Variants in RC3H1 observed in about 807,000 individuals in gnomAD.
RC3H1 encodes roquin-1.
A neutral mutation model predicts 138.2 loss-of-function variants in RC3H1; 50 were observed. That is an observed-to-expected ratio of 0.36 (90% CI 0.29 to 0.46). The LOEUF (loss-of-function observed/expected upper bound fraction) is 0.46. Ranked by LOEUF, RC3H1 falls within the 20% of genes least tolerant of loss-of-function variation. RC3H1 has a pLI of 1.00. For synonymous variants in RC3H1, 462 were observed against 489.1 expected, an observed-to-expected ratio of 0.94 and a Z score of 0.73; for missense variants, 1,031 against 1,388.1, an observed-to-expected ratio of 0.74 and a Z score of 4.09.
In RC3H1 at chr1:173,958,779, T is replaced by C. The variant is rs557327873; in HGVS notation, c.2370+2298A>G. On this transcript the variant is annotated intron_variant, in intron 13 of 19. Coordinates refer to ENST00000367696, the MANE Select transcript of RC3H1 (RefSeq NM_172071.4). ...TTATGGTTATTGCCCTGTGATACATTAACCAGTTTTTTTTTTGAGCAATCT... is the reference window on the plus strand; with the variant it reads ...TTATGGTTATTGCCCTGTGATACATCAACCAGTTTTTTTTTTGAGCAATCT... Among the ~76,000 whole-genome samples the C allele has an allele frequency of 9.9e-5, 15 of 152,094 alleles. No homozygotes were observed. The South Asian group carries it at 3.1e-3, about 31-fold the overall frequency.
intron 19 of RC3H1, among the ~76,000 whole-genome samples, chr1:173,940,646 C>CTT (rs11447877): frequency 7.8e-4 from 116 of 149,350 alleles, no homozygotes; most frequent in African/African-American, 2.7e-3. Context: ...TTTGTTTTTT[C>CTT]TTTTTTTTTA....
Position 173,942,428 on chromosome 1 carries a change from C to CAAAAAAA in RC3H1, c.3135+1007_3135+1013dup, listed in dbSNP as rs60694243. 8.1e-4 allele frequency among the ~76,000 whole-genome samples: 31 copies of CAAAAAAA among 38,066 alleles called. 2 individuals carry two copies. Among genetic ancestry groups the CAAAAAAA allele is most frequent in the Middle Eastern group, 0.014 (1 of 70 alleles). The allele number at this position is 38,066 out of a possible 152,430, so 25.0% of individuals were successfully genotyped here. A position where few individuals can be genotyped will look rare whatever the true frequency, so the allele number is the denominator to read the frequency against. The stretch of plus-strand genomic sequence containing the variant: ...ACCCTGGGTGACAGAGACTCAGTCT[C>CAAAAAAA]AAAAAAAAAAAAAAAAAAAAAAGAA... On this transcript the variant is annotated intron_variant, in intron 18 of 19. Coordinates refer to ENST00000367696, the MANE Select transcript of RC3H1 (RefSeq NM_172071.4).
intron 13 of RC3H1, among the ~76,000 whole-genome samples, chr1:173,956,944 T>G (rs1381212950): frequency 3.9e-5 from 6 of 152,054 alleles, no homozygotes; most frequent in Admixed American, 2.6e-4. Flanking sequence ...GAACGAGTCT[T>G]GTTCTGTCAT....
intron 6 of RC3H1, 109 bp downstream of exon 6, chr1:173,980,699 TA>T (rs2103004277): frequency 1.5e-6 from 1 of 683,202 alleles, no homozygotes; most frequent in South Asian, 2.6e-5. Flanking sequence ...ACACTGGCTA[TA>T]AATACAATTT....
chr1:173,955,359 C>G (rs1659593985), intron 13 of RC3H1, among the ~76,000 whole-genome samples: 1 of 147,158 alleles, frequency 6.8e-6, no homozygotes, highest in Non-Finnish European at 1.5e-5. Flanking sequence ...GCTCTGTCAC[C>G]TAGGTTGGAG....
intron 1 of RC3H1, among the ~76,000 whole-genome samples, chr1:173,994,391 C>CAAAA (rs1557949403): frequency 6.6e-6 from 1 of 152,104 alleles, no homozygotes; most frequent in African/African-American, 2.4e-5. Context: ...GACTCCATCT[C>CAAAA]AAAACAAACA....
intron 19 of RC3H1, among the ~76,000 whole-genome samples, 173 bp from the exon 20 acceptor site, chr1:173,939,044 G>T (rs1274095874): frequency 6.6e-6 from 1 of 152,000 alleles, no homozygotes; most frequent in East Asian, 1.9e-4. Flanking sequence ...AGCTAGCCAG[G>T]TGCGTATTTT....
At chr1:173,975,759 G>C (rs1397970952) in intron 7 of RC3H1, among the ~76,000 whole-genome samples, 1 of 96,200 alleles carries the variant, frequency 1.0e-5, no homozygotes, top group Non-Finnish European at 1.8e-5. Flanking sequence ...TTAGCCGGGC[G>C]TAGTGGCGGG....
In RC3H1 at chr1:173,963,980, A is replaced by G. The variant is rs1659987971; in HGVS notation, c.1824T>C (p.Tyr608=). The part of the protein sequence containing the change: ...GAAPPFEPAP[Y]QQGMYYTPPP... Reference sequence around the variant, plus strand: ...TAAATTTAAAATCGTTACCCTGCTGATAAGGTGCTGGTTCAAATGGCGGAG... The same window carrying G: ...TAAATTTAAAATCGTTACCCTGCTGGTAAGGTGCTGGTTCAAATGGCGGAG... Residue 608 remains tyrosine, a synonymous_variant, in exon 11 of 20, where the codon TAT becomes TAC. Coordinates refer to ENST00000367696, the MANE Select transcript of RC3H1 (RefSeq NM_172071.4). The G allele has an allele frequency of 4.3e-6, 7 of 1,613,838 alleles. No individual in the cohort carries two copies. The East Asian group carries it at 8.9e-5, about 21-fold the overall frequency.
intron 13 of RC3H1, among the ~76,000 whole-genome samples, chr1:173,955,204 C>T (rs1281337905): frequency 2.5e-5 from 3 of 119,450 alleles, no homozygotes; most frequent in South Asian, 2.9e-4. Context: ...CCAGCCCAGA[C>T]GACAGTGTGA....
At chr1:173,943,415 CCT>C in intron 18 of RC3H1, 25 bp downstream of exon 18, 1 of 1,579,936 alleles carries the variant, frequency 6.3e-7, no homozygotes, top group South Asian at 1.1e-5. Flanking sequence ...TTTCACCTTC[CCT>C]CTCTTTCCCC....
rs138337591 is a variant in RC3H1, at chr1:173,936,747, ATATATATATATATATTT to A, written c.*1957_*1973del. The A allele has an allele frequency of 3.0e-3, 176 of 57,828 alleles. 1 individual carries two copies. The highest frequency in any genetic ancestry group is 0.012 in the African/African-American group (170 of 13,754). 3.6% of individuals were successfully genotyped at this position (57,828 alleles called of 1,614,324 possible). ...AAAGCATACATATATATATATATAT[ATATATATATATATATTT>A]TTTTTTTTTTTTTTAAAAAAAGAAG... is the stretch of plus-strand genomic sequence containing the variant. On this transcript the variant is annotated 3_prime_UTR_variant, in exon 20 of 20. Coordinates refer to ENST00000367696, the MANE Select transcript of RC3H1 (RefSeq NM_172071.4).
chr1:173,977,467 A>G (rs1660636294), intron 7 of RC3H1, among the ~76,000 whole-genome samples: 1 of 152,258 alleles, frequency 6.6e-6, no homozygotes, highest in Non-Finnish European at 1.5e-5. Context: ...TACATACCTC[A>G]GAGAATGAGG....
At chr1:173,977,539 T>A (rs994218638) in intron 7 of RC3H1, among the ~76,000 whole-genome samples, 3 of 152,130 alleles carry the variant, frequency 2.0e-5, no homozygotes, top group African/African-American at 7.2e-5. Flanking sequence ...TGAGCTTGCT[T>A]TGAAGCACTC....
chr1:173,965,762 T>C (rs1248452556), intron 9 of RC3H1, among the ~76,000 whole-genome samples: 1 of 152,182 alleles, frequency 6.6e-6, no homozygotes, highest in South Asian at 2.1e-4. Flanking sequence ...TGCCTTGGGA[T>C]ACAATGAGCC....
chr1:173,955,225 CAAAA>C (rs560354496), intron 13 of RC3H1, among the ~76,000 whole-genome samples: 3 of 60,786 alleles, frequency 4.9e-5, no homozygotes, highest in Admixed American at 1.9e-4. Context: ...AACTCTGTCA[CAAAA>C]AAAAAAAAAA....
intron 7 of RC3H1, among the ~76,000 whole-genome samples, chr1:173,976,946 G>A (rs574206953): frequency 1.0e-4 from 15 of 148,826 alleles, no homozygotes; most frequent in African/African-American, 2.7e-4. Flanking sequence ...TTTTTGAGAC[G>A]GAGTCTCGCT....
rs1038636977 is a variant in RC3H1, at chr1:174,022,093, C to T, written c.-151+3G>A. The T allele has an allele frequency of 5.0e-6, 2 of 397,596 alleles. No individual in the cohort carries two copies. The highest frequency in any genetic ancestry group is 4.1e-5 in the African/African-American group (2 of 48,380). The allele number at this position is 397,596 out of a possible 1,614,324, so 24.6% of individuals were successfully genotyped here. A position where few individuals can be genotyped will look rare whatever the true frequency, so the allele number is the denominator to read the frequency against. On this transcript the variant is annotated splice_donor_region_variant and intron_variant, in intron 1 of 19. Transcript: ENST00000367696. The surrounding 1 kb of genome is among the most constrained non-coding windows in gnomAD (Gnocchi z 4.2). ...CCCAAGTCGCCGCCCGCCGCTCGCTCACCGCGCTGGTCCGAGCAGCAGCTC... is the reference window on the plus strand; with the variant it reads ...CCCAAGTCGCCGCCCGCCGCTCGCTTACCGCGCTGGTCCGAGCAGCAGCTC...
chr1:173,988,022 GATA>G (rs1661101878), intron 2 of RC3H1, among the ~76,000 whole-genome samples: 2 of 152,148 alleles, frequency 1.3e-5, no homozygotes, highest in South Asian at 4.1e-4. Flanking sequence ...ACTGCTTATA[GATA>G]ATATCTTTCT....
Sources: gnomAD v4.1 joint callset for allele counts (sites outside exome capture counted in the v4.1 genomes callset) on GRCh38, gnomAD v4.1.1 for gene constraint, Gnocchi (gnomAD v3.1) non-coding constraint, MANE v1.5 for transcripts, NCBI Gene and HGNC (gene_info 2026-07-23, HGNC 2026-07-21) for gene names.